Variants in BCKDHB observed in about 807,000 individuals in gnomAD.
BCKDHB encodes branched chain keto acid dehydrogenase E1 subunit beta, also known as 2-oxoisovalerate dehydrogenase subunit beta, mitochondrial.
In BCKDHB, 41 loss-of-function variants were observed where a neutral mutation model predicts 48.5. The observed-to-expected ratio is 0.85, with a 90% CI of 0.66 to 1.10. The LOEUF (loss-of-function observed/expected upper bound fraction) is 1.10. Among genes scored for constraint, BCKDHB ranks in the 50% least tolerant of loss-of-function variants. The pLI, the probability that BCKDHB is intolerant of heterozygous loss-of-function variation, is 0.00. For synonymous variants in BCKDHB, 201 were observed against 174.8 expected (o/e 1.15, Z -1.18); for missense variants, 496 against 494.2 (o/e 1.00, Z -0.03).
intron 8 of BCKDHB, among the ~76,000 whole-genome samples, chr6:80,251,037 G>T (rs1306847019): frequency 1.3e-5 from 2 of 152,152 alleles, no homozygotes; most frequent in East Asian, 3.8e-4. Flanking sequence ...TAGGATTCTT[G>T]TTTGGCTTCA....
At chr6:80,294,721 C>T (rs1035464198) in intron 9 of BCKDHB, among the ~76,000 whole-genome samples, 6 of 152,144 alleles carry the variant, frequency 3.9e-5, no homozygotes, top group African/African-American at 1.2e-4. Flanking sequence ...GGAAGAACTC[C>T]GCTCTGGTAA....
intron 8 of BCKDHB, among the ~76,000 whole-genome samples, chr6:80,216,566 T>C (rs901778984): frequency 6.6e-6 from 1 of 152,234 alleles, no homozygotes. Flanking sequence ...ACTTAAATTA[T>C]TTGAGTTTGA....
chr6:80,267,653 T>C (rs1472364111), intron 8 of BCKDHB, among the ~76,000 whole-genome samples: 1 of 152,086 alleles, frequency 6.6e-6, no homozygotes, highest in African/African-American at 2.4e-5. Context: ...GACAGGAACA[T>C]GTTTATCTGA....
At chr6:80,195,629 G>C (rs952275892) in intron 6 of BCKDHB, among the ~76,000 whole-genome samples, 2 of 152,082 alleles carry the variant, frequency 1.3e-5, no homozygotes, top group Admixed American at 6.6e-5. Flanking sequence ...TTCTTCCTAA[G>C]AGCTGATTAA....
intron 9 of BCKDHB, among the ~76,000 whole-genome samples, chr6:80,290,540 A>G (rs1336596460): frequency 6.6e-6 from 1 of 152,206 alleles, no homozygotes; most frequent in Non-Finnish European, 1.5e-5. Context: ...ATTAATGGCC[A>G]TTACTCCTAA....
At chr6:80,134,037 GAGAA>G (rs1184376362) in intron 3 of BCKDHB, among the ~76,000 whole-genome samples, 2 of 152,152 alleles carry the variant, frequency 1.3e-5, no homozygotes, top group East Asian at 3.9e-4. Flanking sequence ...GAGAGAGAAA[GAGAA>G]AGAGTGTATG....
At chr6:80,346,845 C>A (rs1272246087), downstream of BCKDHB, among the ~76,000 whole-genome samples, 1 of 152,040 alleles carries the variant, frequency 6.6e-6, no homozygotes, top group Non-Finnish European at 1.5e-5. Flanking sequence ...AATAACGAAT[C>A]CTCCAGCAGA....
chr6:80,351,326 A>C, the BCKDHB span, among the ~76,000 whole-genome samples: 1 of 152,174 alleles, frequency 6.6e-6, no homozygotes, highest in Non-Finnish European at 1.5e-5. Flanking sequence ...GTGTGTGTAT[A>C]TATATAGACA....
intron 1 of BCKDHB, among the ~76,000 whole-genome samples, chr6:80,107,498 TGC>T (rs1491383444): frequency 1.0e-4 from 14 of 137,630 alleles, no homozygotes; most frequent in Admixed American, 7.1e-4. Context: ...CGCATATATA[TGC>T]ATATATATGT....
intron 6 of BCKDHB, among the ~76,000 whole-genome samples, chr6:80,182,851 G>A (rs768585560): frequency 6.6e-5 from 10 of 152,016 alleles, no homozygotes; most frequent in Admixed American, 6.6e-5. Context: ...TACAAATATT[G>A]TATAACTTGC....
the BCKDHB span, among the ~76,000 whole-genome samples, chr6:80,380,859 A>G: frequency 6.6e-6 from 1 of 152,168 alleles, no homozygotes; most frequent in East Asian, 1.9e-4. Flanking sequence ...TTGTTGCAAG[A>G]ATATAGAAAC....
At chr6:80,271,148 G>A (rs1031676655) in intron 8 of BCKDHB, among the ~76,000 whole-genome samples, 22 of 152,054 alleles carry the variant, frequency 1.4e-4, no homozygotes, top group African/African-American at 5.3e-4. Flanking sequence ...GAAAAGATAA[G>A]TTGCTTGGTG....
chr6:80,294,358 G>A (rs900622769), intron 9 of BCKDHB, among the ~76,000 whole-genome samples: 4 of 152,094 alleles, frequency 2.6e-5, no homozygotes, highest in Non-Finnish European at 5.9e-5. Flanking sequence ...CAAATTGATT[G>A]TAAAACATGT....
At chr6:80,332,110 A>G (rs1307157322) in intron 9 of BCKDHB, among the ~76,000 whole-genome samples, 2 of 152,130 alleles carry the variant, frequency 1.3e-5, no homozygotes, top group East Asian at 1.9e-4. Flanking sequence ...GTGCAAGGGG[A>G]TTGATCCATC....
chr6:80,385,214 C>G, the BCKDHB span, among the ~76,000 whole-genome samples: 1 of 152,166 alleles, frequency 6.6e-6, no homozygotes, highest in Non-Finnish European at 1.5e-5. Context: ...GAAGCAGATA[C>G]TGAACATCAA....
chr6:80,310,949 C>CT (rs1356835785), intron 9 of BCKDHB, among the ~76,000 whole-genome samples: 1 of 152,022 alleles, frequency 6.6e-6, no homozygotes, highest in Non-Finnish European at 1.5e-5. Context: ...TAATGAGGTT[C>CT]TTTTTTTCTT....
At chr6:80,452,448 GT>G in the BCKDHB span, among the ~76,000 whole-genome samples, 2 of 152,128 alleles carry the variant, frequency 1.3e-5, no homozygotes, top group African/African-American at 4.8e-5. Context: ...AACAGTCAAT[GT>G]AGATGCAGGG....
In BCKDHB at chr6:80,326,215, A is replaced by T. The variant is rs371666789; in HGVS notation, c.1039-17449A>T. Among the ~76,000 whole-genome samples, 8 of 152,246 alleles carry T rather than the reference A, an allele frequency of 5.3e-5. No homozygotes were observed. The East Asian group carries it at 1.4e-3, about 26-fold the overall frequency. ...TCAAAATAAAACGTTATTTTTAAAG[A>T]TGTGGGGATACATTTTTCAGGAAAG... On this transcript the variant is annotated intron_variant, in intron 9 of 9. Transcript: ENST00000320393.
chr6:80,370,371 G>C, the BCKDHB span, among the ~76,000 whole-genome samples: 1 of 152,154 alleles, frequency 6.6e-6, no homozygotes, highest in African/African-American at 2.4e-5. Flanking sequence ...CATATTGGTA[G>C]ATGCTGCATG....
Sources: gnomAD v4.1 joint callset for allele counts (sites outside exome capture counted in the v4.1 genomes callset) on GRCh38, gnomAD v4.1.1 for gene constraint, MANE v1.5 for transcripts, NCBI Gene and HGNC (gene_info 2026-07-23, HGNC 2026-07-21) for gene names.